The following IFNG variants were observed in gnomAD, a reference collection of about 807,000 sequenced individuals.
IFNG encodes the protein IFN-gamma.
A neutral mutation model predicts 14.4 loss-of-function variants in IFNG; 8 were observed. That is an observed-to-expected ratio of 0.56 (90% CI 0.33 to 1.00). IFNG has a LOEUF of 1.00. IFNG is among the 50% of genes least tolerant of loss of function. The pLI, the probability that IFNG is intolerant of heterozygous loss-of-function variation, is 0.03. For missense variants in IFNG, 132 were observed against 194.9 expected, an observed-to-expected ratio of 0.68 and a Z score of 1.92; for synonymous variants, 73 against 65.4, an observed-to-expected ratio of 1.12 and a Z score of -0.56.
intron 1 of IFNG, 152 bp from the exon 2 acceptor site, chr12:68,158,411 G>A: frequency 3.4e-6 from 2 of 586,590 alleles, no homozygotes; most frequent in Admixed American, 3.2e-5. Context: ...ATTCCCAAAA[G>A]GCTTATGTGA....
At chr12:68,158,339 T>A (rs2120747549) in intron 1 of IFNG, 80 bp from the exon 2 acceptor site, 1 of 930,602 alleles carries the variant, frequency 1.1e-6, no homozygotes, top group South Asian at 1.6e-5. Flanking sequence ...TTCATTGAAC[T>A]CAGATGTGAC....
chr12:68,159,525 C>T lies in IFNG; in HGVS notation c.91G>A (p.Ala31Thr), dbSNP rs1238609496. ...CYCQDPYVKE[A>T]ENLKKYFNAG... ...ACAAAATATTTCTTAAGGTTTTCTGCTTCTTTTACATATGGGTCCTGGCAG... is the reference window on the plus strand; with the variant it reads ...ACAAAATATTTCTTAAGGTTTTCTGTTTCTTTTACATATGGGTCCTGGCAG... Residue 31 changes from alanine (A) to threonine (T), a missense_variant, in exon 1 of 4, where the codon GCA becomes ACA. Physicochemically the swap from Ala to Thr is moderately conservative, Grantham distance 58. Transcript: ENST00000229135. 1 of 1,589,200 alleles carries T rather than the reference C, an allele frequency of 6.3e-7. No individual in the cohort carries two copies. The highest frequency in any genetic ancestry group is 2.2e-5 in the East Asian group (1 of 44,752).
intron 1 of IFNG, 53 bp downstream of exon 1, chr12:68,159,449 G>A (rs1182184272): frequency 4.9e-6 from 4 of 819,554 alleles, no homozygotes; most frequent in African/African-American, 1.7e-5. Context: ...ACAGCAAGTC[G>A]ATATTCAGTC....
intron 3 of IFNG, among the ~76,000 whole-genome samples, chr12:68,157,381 T>C (rs1012371643): frequency 3.3e-5 from 5 of 152,154 alleles, no homozygotes; most frequent in Non-Finnish European, 7.3e-5. Context: ...TTGTAGAGTT[T>C]TGGAGCAAAG....
intron 1 of IFNG, among the ~76,000 whole-genome samples, chr12:68,158,530 A>C (rs568357695): frequency 2.0e-5 from 3 of 152,334 alleles, no homozygotes; most frequent in East Asian, 3.9e-4. Flanking sequence ...CAAAGGTCCC[A>C]AAAACTATAG....
chr12:68,156,667 G>C (rs1882605943), intron 3 of IFNG, among the ~76,000 whole-genome samples: 1 of 152,002 alleles, frequency 6.6e-6, no homozygotes, highest in African/African-American at 2.4e-5. Context: ...TTCCTGCAGA[G>C]TAGAAAAAAT....
rs1882576805 is a variant in IFNG at position 68,154,900 on chromosome 12, CTA to C, written c.*451_*452del. 6.5e-6 allele frequency: 1 copy of C among 152,912 alleles called. No homozygotes were observed. The highest frequency in any genetic ancestry group is 6.5e-5 in the Admixed American group (1 of 15,286). 9.5% of individuals were successfully genotyped at this position (152,912 alleles called of 1,614,324 possible). On this transcript the variant is annotated 3_prime_UTR_variant, in exon 4 of 4. Transcript: ENST00000229135. ...ACCAGGCATGAAATCTCCTGAGATG[CTA>C]TGTTTTCATCAGGGTCACCTGACAC...
In IFNG at chr12:68,158,114, A is replaced by G; in HGVS notation, c.184-19T>C. On this transcript the variant is annotated intron_variant, in intron 2 of 3. Transcript: ENST00000229135. ...CACTCTCCTTGGAAGGAAAGAGCAC[A>G]AACAGAGGATGATGTGAATTTATCC... 6.3e-7 allele frequency: 1 copy of G among 1,597,868 alleles called. No individual in the cohort carries two copies. Among genetic ancestry groups the G allele is most frequent in the African/African-American group, 1.3e-5 (1 of 74,360 alleles).
chr12:68,156,958 G>A (rs1882610817), intron 3 of IFNG, among the ~76,000 whole-genome samples: 1 of 152,092 alleles, frequency 6.6e-6, no homozygotes. Context: ...GAAGACCCTG[G>A]TCCCTCTCAT....
At chr12:68,158,482 T>C (rs1882636545) in intron 1 of IFNG, among the ~76,000 whole-genome samples, 1 of 152,122 alleles carries the variant, frequency 6.6e-6, no homozygotes, top group Non-Finnish European at 1.5e-5. Flanking sequence ...AACCATTAAA[T>C]TGCAATGTCA....
intron 1 of IFNG, among the ~76,000 whole-genome samples, chr12:68,158,714 A>AGTGTGT (rs34079299): frequency 0.014 from 2,085 of 148,790 alleles, 28 homozygotes; most frequent in African/African-American, 0.043. Context: ...AACATGTGCG[A>AGTGTGT]GTGTGTGTGT....
chr12:68,158,281 A>T, intron 1 of IFNG, 22 bp from the exon 2 acceptor site: 1 of 1,545,714 alleles, frequency 6.5e-7, no homozygotes, highest in East Asian at 2.2e-5. Flanking sequence ...AAAAGAAAAA[A>T]TTGGTTTACA....
At chr12:68,157,282 T>C (rs1185556928) in intron 3 of IFNG, among the ~76,000 whole-genome samples, 1 of 152,198 alleles carries the variant, frequency 6.6e-6, no homozygotes, top group Admixed American at 6.5e-5. Context: ...ATCTGATAGG[T>C]TGGCTAGAGA....
In IFNG at chr12:68,159,430, A is replaced by C. The variant is rs2069711; in HGVS notation, c.114+72T>G. The C allele has an allele frequency of 9.9e-5, 71 of 716,254 alleles. 1 individual carries two copies. In the Admixed American group the frequency reaches 1.1e-3, roughly 11 times the overall value. The allele number at this position is 716,254 out of a possible 1,614,324, so 44.4% of individuals were successfully genotyped here. A position where few individuals can be genotyped will look rare whatever the true frequency, so the allele number is the denominator to read the frequency against. On this transcript the variant is annotated intron_variant, in intron 1 of 3. Transcript: ENST00000229135. ...TGCCTACAAGAGATGACAGCCTATC[A>C]GAGATGCTACAGCAAGTCGATATTC... is the stretch of plus-strand genomic sequence containing the variant.
intron 1 of IFNG, 74 bp downstream of exon 1, chr12:68,159,428 T>C (rs1882652846): frequency 2.8e-6 from 2 of 705,698 alleles, no homozygotes; most frequent in African/African-American, 1.8e-5. Context: ...TGACAGCCTA[T>C]CAGAGATGCT....
intron 3 of IFNG, among the ~76,000 whole-genome samples, chr12:68,156,496 T>G (rs768341147): frequency 8.5e-5 from 13 of 152,166 alleles, no homozygotes; most frequent in Non-Finnish European, 1.8e-4. Context: ...AGCTAAAGAC[T>G]AATTGTCAAA....
In IFNG at chr12:68,155,473, A is replaced by G; in HGVS notation, c.381T>C (p.Asn127=). ...GTTCATGTATTGCTTTGCGTTGGAC[A>G]TTCAAGTCAGTTACCTATCGGGAAA... ...KLTNYSVTDL[N]VQRKAIHELI... The change falls in exon 4 of 4, where the codon AAT becomes AAC. Residue 127 remains asparagine, a synonymous_variant. Transcript: ENST00000229135. 1 of 1,605,774 alleles carries G rather than the reference A, an allele frequency of 6.2e-7. No homozygotes were observed. The highest frequency in any genetic ancestry group is 8.5e-7 in the Non-Finnish European group (1 of 1,176,124).
At chr12:68,158,370 T>C (rs887207648) in intron 1 of IFNG, 111 bp from the exon 2 acceptor site, 39 of 710,620 alleles carry the variant, frequency 5.5e-5, no homozygotes, top group Non-Finnish European at 8.3e-5. Flanking sequence ...GATTTCCTTT[T>C]CAACTCTTCT....
At chr12:68,158,714 A>AGTGT (rs34079299) in intron 1 of IFNG, among the ~76,000 whole-genome samples, 13,137 of 148,726 alleles carry the variant, frequency 0.088, 1,060 homozygotes, top group East Asian at 0.36. Flanking sequence ...AACATGTGCG[A>AGTGT]GTGTGTGTGT....
Sources: allele counts gnomAD v4.1 joint callset (sites outside exome capture counted in the v4.1 genomes callset), GRCh38; gene constraint gnomAD v4.1.1; transcripts MANE v1.5; gene names NCBI Gene and HGNC (gene_info 2026-07-23, HGNC 2026-07-21).